ANKS1B: variants seen among roughly 807,000 people sequenced by gnomAD.
ANKS1B encodes the protein ankyrin repeat and sterile alpha motif domain-containing protein 1B.
ANKS1B carries 36 observed loss-of-function variants against 148.3 expected under a neutral mutation model. The ratio of observed to expected loss-of-function variants is 0.24; its 90% CI spans 0.19 to 0.32. The LOEUF (loss-of-function observed/expected upper bound fraction) is 0.32, where lower values mean the gene tolerates loss of function less well. Ranked by LOEUF, ANKS1B falls within the 10% of genes least tolerant of loss-of-function variation. The probability of loss-of-function intolerance (pLI) is 1.00; values close to 1 mark genes in which losing one functional copy is unlikely to be tolerated. For synonymous variants in ANKS1B, 542 were observed against 560.8 expected, an observed-to-expected ratio of 0.97 and a Z score of 0.47; for missense variants, 1,157 against 1,542.6, an observed-to-expected ratio of 0.75 and a Z score of 4.19.
In ANKS1B at chr12:98,897,649, A is replaced by G. The variant is rs570759926; in HGVS notation, c.2779-65513T>C. Reference sequence around the variant, plus strand: ...TAAATTAGCACAACCCCTGTGGAAAATAGTATAGGGATTTCTCAAAGAGCT... The same window carrying G: ...TAAATTAGCACAACCCCTGTGGAAAGTAGTATAGGGATTTCTCAAAGAGCT... On this transcript the variant is annotated intron_variant, in intron 17 of 26. Coordinates refer to ENST00000683438, the MANE Select transcript of ANKS1B (RefSeq NM_001352186.2). Among the ~76,000 whole-genome samples the G allele has an allele frequency of 3.3e-5, 5 of 152,344 alleles. No individual in the cohort carries two copies. In the East Asian group the frequency reaches 9.6e-4, roughly 29 times the overall value.
intron 12 of ANKS1B, among the ~76,000 whole-genome samples, chr12:99,252,766 A>G (rs192761871): frequency 3.2e-4 from 48 of 152,352 alleles, no homozygotes; most frequent in African/African-American, 1.2e-3. Flanking sequence ...TTGTAACAAG[A>G]CCACAGGAAG....
chr12:99,543,099 TTCAGACCATATGA>T (rs2097141934), intron 9 of ANKS1B, among the ~76,000 whole-genome samples: 1 of 152,078 alleles, frequency 6.6e-6, no homozygotes, highest in East Asian at 1.9e-4. Context: ...GGGACTTGTA[TTCAGACCATATGA>T]AGAACTCATA....
chr12:98,828,992 C>T (rs2099273318), intron 19 of ANKS1B, among the ~76,000 whole-genome samples, 182 bp downstream of exon 19: 1 of 152,180 alleles, frequency 6.6e-6, no homozygotes, highest in Admixed American at 6.5e-5. Flanking sequence ...TGTACACATT[C>T]CATTCCCAGA....
Position 99,984,465 on chromosome 12 carries a change from C to A in ANKS1B, c.-228G>T. On this transcript the variant is annotated 5_prime_UTR_variant, in exon 1 of 27. Coordinates refer to ENST00000683438, the MANE Select transcript of ANKS1B (RefSeq NM_001352186.2). ...GACCATGTCTTGAAAGAGGGGCTGG[C>A]CGAGCTGGGAGCCGCGACGCGCCCC... is the stretch of plus-strand genomic sequence containing the variant. 1 of 430,248 alleles carries A rather than the reference C, an allele frequency of 2.3e-6. No individual in the cohort carries two copies. The allele number at this position is 430,248 out of a possible 1,614,324, so 26.7% of individuals were successfully genotyped here.
chr12:98,947,231 G>T (rs1187361161), intron 17 of ANKS1B, among the ~76,000 whole-genome samples: 1 of 152,138 alleles, frequency 6.6e-6, no homozygotes, highest in Non-Finnish European at 1.5e-5. Context: ...TTTGAGTAGA[G>T]TGAAAAAGAT....
chr12:98,998,473 G>A (rs1012174606), intron 17 of ANKS1B, among the ~76,000 whole-genome samples: 1 of 152,120 alleles, frequency 6.6e-6, no homozygotes, highest in Non-Finnish European at 1.5e-5. Context: ...GAACTGTATT[G>A]CTTTAAGTTG....
intron 14 of ANKS1B, among the ~76,000 whole-genome samples, chr12:99,234,155 CAGAT>C (rs1288318015): frequency 1.3e-5 from 2 of 152,208 alleles, no homozygotes; most frequent in African/African-American, 4.8e-5. Context: ...CAAAATTTTG[CAGAT>C]AGACAACACA....
chr12:98,805,878 A>G (rs1234805656), intron 20 of ANKS1B, among the ~76,000 whole-genome samples: 2 of 152,078 alleles, frequency 1.3e-5, no homozygotes, highest in African/African-American at 4.8e-5. Flanking sequence ...CTTTATTATT[A>G]TTTATTTTTC....
At chr12:98,799,597 G>A (rs981663321) in intron 21 of ANKS1B, among the ~76,000 whole-genome samples, 10 of 152,004 alleles carry the variant, frequency 6.6e-5, no homozygotes, top group Admixed American at 2.0e-4. Flanking sequence ...TTCCTGGTGC[G>A]AAGTGCCACC....
intron 17 of ANKS1B, among the ~76,000 whole-genome samples, chr12:98,863,331 C>T (rs983461320): frequency 2.6e-4 from 40 of 152,186 alleles, no homozygotes; most frequent in African/African-American, 9.7e-4. Flanking sequence ...ATGACCTCTG[C>T]TGCTAACAGG....
At chr12:99,396,537 T>C (rs180921132) in intron 12 of ANKS1B, among the ~76,000 whole-genome samples, 126 of 152,286 alleles carry the variant, frequency 8.3e-4, no homozygotes, top group Non-Finnish European at 1.5e-3. Flanking sequence ...ATTTCAACTG[T>C]TAAAAGGTTA....
At chr12:99,632,767 A>ATATATATATTTTTTTT in intron 9 of ANKS1B, among the ~76,000 whole-genome samples, 1 of 71,316 alleles carries the variant, frequency 1.4e-5, no homozygotes, top group South Asian at 4.5e-4. Context: ...ATATATATAT[A>ATATATATATTTTTTTT]TTTTAATTAT....
chr12:99,618,713 CAT>C (rs895907058), intron 9 of ANKS1B, among the ~76,000 whole-genome samples: 4 of 152,046 alleles, frequency 2.6e-5, no homozygotes, highest in African/African-American at 9.7e-5. Context: ...GGCTTAGAGA[CAT>C]TGTGAGCGCA....
At chr12:99,410,248 A>G (rs2094648360) in intron 11 of ANKS1B, among the ~76,000 whole-genome samples, 1 of 152,176 alleles carries the variant, frequency 6.6e-6, no homozygotes. Flanking sequence ...TGTATTGTCT[A>G]TGGCTGTTTT....
At chr12:99,597,269 A>AGAGG (rs2097766143) in intron 9 of ANKS1B, among the ~76,000 whole-genome samples, 1 of 151,416 alleles carries the variant, frequency 6.6e-6, no homozygotes, top group Admixed American at 6.6e-5. Context: ...AGAGAGAGAG[A>AGAGG]CAGAGAGAAG....
chr12:98,899,664 A>C (rs1490171890), intron 17 of ANKS1B, among the ~76,000 whole-genome samples: 1 of 152,136 alleles, frequency 6.6e-6, no homozygotes, highest in East Asian at 1.9e-4. Context: ...GCCAGTCTCC[A>C]CAATCATGTA....
At chr12:99,296,044 C>T (rs921560981) in intron 12 of ANKS1B, among the ~76,000 whole-genome samples, 1 of 152,042 alleles carries the variant, frequency 6.6e-6, no homozygotes, top group Non-Finnish European at 1.5e-5. Context: ...GTGCTTTTAT[C>T]CTTTTTTTTG....
At chr12:99,902,468 C>T (rs2093632588) in intron 1 of ANKS1B, among the ~76,000 whole-genome samples, 1 of 152,132 alleles carries the variant, frequency 6.6e-6, no homozygotes, top group Admixed American at 6.5e-5. Flanking sequence ...CAACGGAAAT[C>T]CATTGAAGTG....
At chr12:99,002,168 A>T (rs1425726247) in intron 17 of ANKS1B, among the ~76,000 whole-genome samples, 1 of 152,238 alleles carries the variant, frequency 6.6e-6, no homozygotes, top group Non-Finnish European at 1.5e-5. Context: ...ATAGACCCAG[A>T]AGTGGGATTG....
Sources: allele counts gnomAD v4.1 joint callset (sites outside exome capture counted in the v4.1 genomes callset), GRCh38; gene constraint gnomAD v4.1.1; transcripts MANE v1.5; gene names NCBI Gene and HGNC (gene_info 2026-07-23, HGNC 2026-07-21).